Variants in ANKRD62 observed in about 807,000 individuals in gnomAD.
The protein encoded by ANKRD62 is ankyrin repeat domain-containing protein 62.
A neutral mutation model predicts 98.8 loss-of-function variants in ANKRD62; 61 were observed. The observed-to-expected ratio is 0.62, with a 90% confidence interval of 0.50 to 0.76. ANKRD62 has a LOEUF of 0.76. Among genes scored for constraint, ANKRD62 ranks in the 30% least tolerant of loss-of-function variants. The pLI is 0.00. For missense variants in ANKRD62, 933 were observed against 1,082.9 expected (o/e 0.86, Z 1.94); for synonymous variants, 341 against 367.9 (o/e 0.93, Z 0.84).
intron 12 of ANKRD62, among the ~76,000 whole-genome samples, chr18:12,125,025 G>A (rs1909857653): frequency 6.6e-6 from 1 of 152,102 alleles, no homozygotes; most frequent in Admixed American, 6.6e-5. Flanking sequence ...AGAAACTTAA[G>A]GAATTTGGAA....
At chr18:12,181,523 G>C in the ANKRD62 span, among the ~76,000 whole-genome samples, 2 of 151,942 alleles carry the variant, frequency 1.3e-5, no homozygotes, top group Non-Finnish European at 2.9e-5. Flanking sequence ...CACCATATTG[G>C]GTGTGAACCT....
chr18:12,137,769 C>G, the ANKRD62 span, among the ~76,000 whole-genome samples: 1 of 152,136 alleles, frequency 6.6e-6, no homozygotes, highest in African/African-American at 2.4e-5. Context: ...CTGGTTTAGT[C>G]TTGGGAGAGT....
intron 6 of ANKRD62, chr18:12,102,793 T>C: frequency 1.0e-6 from 1 of 984,934 alleles, no homozygotes; most frequent in Non-Finnish European, 1.2e-6. Context: ...ATAAAGGTAA[T>C]ATTAGGAAGT....
downstream of ANKRD62, among the ~76,000 whole-genome samples, chr18:12,130,891 T>G (rs184823979): frequency 6.6e-6 from 1 of 152,190 alleles, no homozygotes; most frequent in South Asian, 2.1e-4. Context: ...GGTTTCACCA[T>G]GTTGGCCAGG....
chr18:12,109,947 TACC>T (rs1909501022), intron 8 of ANKRD62, among the ~76,000 whole-genome samples: 2 of 79,366 alleles, frequency 2.5e-5, no homozygotes, highest in Admixed American at 1.5e-4. Context: ...GTTTCACTGT[TACC>T]AAAAAAAAAA....
the ANKRD62 span, among the ~76,000 whole-genome samples, chr18:12,168,651 G>GT: frequency 2.6e-5 from 4 of 152,154 alleles, no homozygotes; most frequent in Admixed American, 6.5e-5. Context: ...CTTTAAAGTA[G>GT]TTTTTTCCAA....
the ANKRD62 span, among the ~76,000 whole-genome samples, chr18:12,159,081 T>C: frequency 1.3e-5 from 2 of 152,174 alleles, no homozygotes; most frequent in East Asian, 1.9e-4. Flanking sequence ...AGCAGAAGTA[T>C]AACGACCTAT....
downstream of ANKRD62, among the ~76,000 whole-genome samples, chr18:12,133,384 A>G (rs1015087744): frequency 6.6e-6 from 1 of 152,186 alleles, no homozygotes; most frequent in Non-Finnish European, 1.5e-5. Context: ...ATATGTGGAC[A>G]TATGTTCCTC....
chr18:12,106,747 CT>C (rs1207259139), intron 7 of ANKRD62, among the ~76,000 whole-genome samples: 1 of 152,122 alleles, frequency 6.6e-6, no homozygotes, highest in Admixed American at 6.6e-5. Context: ...AATTTTGGTT[CT>C]TGTATTTCAG....
the ANKRD62 span, among the ~76,000 whole-genome samples, chr18:12,175,666 G>A: frequency 5.9e-5 from 9 of 151,942 alleles, no homozygotes; most frequent in African/African-American, 2.2e-4. Context: ...ACCAGGCTGG[G>A]GCCCCAGGAC....
At chr18:12,158,762 CTGACCTCG>C in the ANKRD62 span, among the ~76,000 whole-genome samples, 1 of 151,586 alleles carries the variant, frequency 6.6e-6, no homozygotes, top group African/African-American at 2.4e-5. Flanking sequence ...TCTCGATCTC[CTGACCTCG>C]TGATCCACCG....
chr18:12,115,166 A>T (rs1264970289), intron 9 of ANKRD62, 45 bp downstream of exon 9: 56 of 1,370,722 alleles, frequency 4.1e-5, no homozygotes, highest in Non-Finnish European at 5.2e-5. Context: ...AACATACCTT[A>T]AAAAAGATCA....
At chr18:12,136,767 C>G in the ANKRD62 span, among the ~76,000 whole-genome samples, 13 of 152,210 alleles carry the variant, frequency 8.5e-5, no homozygotes, top group Non-Finnish European at 7.4e-5. Flanking sequence ...CCTTCACATC[C>G]CTTGTAAGTT....
At chr18:12,170,958 C>CTTTTTTTTTT in the ANKRD62 span, among the ~76,000 whole-genome samples, 1 of 137,024 alleles carries the variant, frequency 7.3e-6, no homozygotes, top group Non-Finnish European at 1.6e-5. Flanking sequence ...GCAACCCCTG[C>CTTTTTTTTTT]TTTTTTTTTT....
At position 12,107,286 on chromosome 18, in the gene ANKRD62, T is replaced by G. The variant is rs1909434738; in HGVS notation, c.892-9T>G. ...GACAATTATTCTCAGTATGAAACTT[T>G]CATTGAAGGTTGAAGAAAAAATGAA... On this transcript the variant is annotated splice_polypyrimidine_tract_variant and intron_variant, in intron 7 of 13. Coordinates refer to ENST00000587848, the MANE Select transcript of ANKRD62 (RefSeq NM_001277333.2). 2 of 1,480,182 alleles carry G rather than the reference T, an allele frequency of 1.4e-6. No homozygotes were observed. The highest frequency in any genetic ancestry group is 1.8e-6 in the Non-Finnish European group (2 of 1,123,396). The allele number at this position is 1,480,182 out of a possible 1,614,324, so 91.7% of individuals were successfully genotyped here. A position where few individuals can be genotyped will look rare whatever the true frequency, so the allele number is the denominator to read the frequency against.
chr18:12,139,054 G>A, the ANKRD62 span, among the ~76,000 whole-genome samples: 2 of 152,032 alleles, frequency 1.3e-5, no homozygotes, highest in African/African-American at 2.4e-5. Flanking sequence ...TTTAAGGTTA[G>A]TATTGTTATG....
chr18:12,113,559 G>A (rs1034015262), intron 8 of ANKRD62, among the ~76,000 whole-genome samples: 1 of 152,210 alleles, frequency 6.6e-6, no homozygotes, highest in African/African-American at 2.4e-5. Flanking sequence ...CTGGGAGGCG[G>A]AGGTTGCAGT....
At chr18:12,102,566 G>A in intron 6 of ANKRD62, 1 of 349,518 alleles carries the variant, frequency 2.9e-6, no homozygotes, top group Non-Finnish European at 4.9e-6. Flanking sequence ...AACCTTAACT[G>A]CATGTTTTAT....
At chr18:12,127,267 G>A (rs1204929337) in intron 13 of ANKRD62, among the ~76,000 whole-genome samples, 1 of 152,190 alleles carries the variant, frequency 6.6e-6, no homozygotes, top group Non-Finnish European at 1.5e-5. Context: ...GGGTCAGGGA[G>A]AGAAGTGGAA....
Sources: allele counts gnomAD v4.1 joint callset (sites outside exome capture counted in the v4.1 genomes callset), GRCh38; gene constraint gnomAD v4.1.1; transcripts MANE v1.5; gene names NCBI Gene and HGNC (gene_info 2026-07-23, HGNC 2026-07-21).